RIOK1: variants seen among roughly 807,000 people sequenced by gnomAD.
RIOK1 encodes the protein serine/threonine-protein kinase RIO1.
RIOK1 carries 66 observed loss-of-function variants against 73.5 expected under a neutral mutation model. The observed-to-expected ratio is 0.90, with a 90% CI of 0.74 to 1.10. RIOK1 has a LOEUF of 1.10. RIOK1 is among the 50% of genes least tolerant of loss of function. The pLI is 0.00. For synonymous variants in RIOK1, 224 were observed against 226.8 expected, an observed-to-expected ratio of 0.99 and a Z score of 0.11; for missense variants, 658 against 699.8, an observed-to-expected ratio of 0.94 and a Z score of 0.67.
intron 4 of RIOK1, among the ~76,000 whole-genome samples, chr6:7,398,311 T>TA (rs879516161): frequency 1.3e-3 from 186 of 144,668 alleles, no homozygotes; most frequent in Middle Eastern, 0.011. Context: ...GCTGTCTCTT[T>TA]AAAAAAAAAA....
At chr6:7,393,339 T>C (rs1285776941) in intron 2 of RIOK1, 36 bp downstream of exon 2, 2 of 1,524,506 alleles carry the variant, frequency 1.3e-6, no homozygotes, top group South Asian at 2.3e-5. Flanking sequence ...CTTTATGTAG[T>C]CTGCTTATGT....
intron 7 of RIOK1, 39 bp from the exon 8 acceptor site, chr6:7,402,778 A>G (rs1761644964): frequency 1.9e-6 from 3 of 1,604,070 alleles, no homozygotes; most frequent in South Asian, 1.1e-5. Context: ...TAAAATAATA[A>G]TGGAATGATT....
intron 2 of RIOK1, among the ~76,000 whole-genome samples, chr6:7,394,261 C>T (rs571145443): frequency 2.0e-5 from 3 of 152,184 alleles, no homozygotes; most frequent in Non-Finnish European, 2.9e-5. Context: ...TGGCGAAACC[C>T]TGTCTCTACT....
rs1333018967 is a variant in RIOK1, at chr6:7,410,455, G to T, written c.1269+4G>T. 3 of 1,598,566 alleles carry T rather than the reference G, an allele frequency of 1.9e-6. No individual in the cohort carries two copies. Among genetic ancestry groups the T allele is most frequent in the Non-Finnish European group, 8.6e-7 (1 of 1,167,086 alleles). ...CCAAGATCATGTGGATGAAGAGGTAGGATTTATTATCTATTCACAGCCTTT... is the reference window on the plus strand; with the variant it reads ...CCAAGATCATGTGGATGAAGAGGTATGATTTATTATCTATTCACAGCCTTT... On this transcript the variant is annotated splice_donor_region_variant and intron_variant, in intron 13 of 16. Transcript: ENST00000379834.
chr6:7,400,489 T>C (rs1268302232), intron 5 of RIOK1, among the ~76,000 whole-genome samples: 2 of 152,200 alleles, frequency 1.3e-5, no homozygotes, highest in African/African-American at 4.8e-5. Flanking sequence ...TTTGGAGACT[T>C]AGTGTCAAAA....
intron 6 of RIOK1, among the ~76,000 whole-genome samples, chr6:7,401,689 C>CTT (rs35177259): frequency 4.9e-4 from 53 of 109,238 alleles, no homozygotes; most frequent in South Asian, 5.9e-4. Flanking sequence ...TAAACAGAGT[C>CTT]TTTTTTTTTT....
At chr6:7,410,006 C>G (rs181773944) in intron 12 of RIOK1, among the ~76,000 whole-genome samples, 69 of 152,294 alleles carry the variant, frequency 4.5e-4, no homozygotes, top group African/African-American at 1.5e-3. Context: ...ATTCCCTTCG[C>G]CGACTGCTCA....
intron 13 of RIOK1, among the ~76,000 whole-genome samples, chr6:7,410,920 C>T (rs955773401): frequency 2.0e-5 from 3 of 152,110 alleles, no homozygotes; most frequent in Admixed American, 6.5e-5. Context: ...CTGTGTTTGT[C>T]GGCAGCTCTC....
rs368843267 is a variant in RIOK1 at position 7,417,320 on chromosome 6, G to C, written c.1597-11G>C. On this transcript the variant is annotated splice_polypyrimidine_tract_variant and intron_variant, in intron 16 of 16. Coordinates refer to ENST00000379834, the MANE Select transcript of RIOK1 (RefSeq NM_031480.3). ...TGAATGAAAGTTGGCTTTTTTGTTT[G>C]TTTTTTACAGGAAAGAAAAAAGATG... 1.1e-4 allele frequency: 168 copies of C among 1,495,582 alleles called. No homozygotes were observed. Among genetic ancestry groups the C allele is most frequent in the Non-Finnish European group, 1.4e-4 (156 of 1,115,256 alleles). 92.6% of individuals were successfully genotyped at this position (1,495,582 alleles called of 1,614,324 possible).
chr6:7,410,552 A>G (rs1254359359), intron 13 of RIOK1, 101 bp downstream of exon 13: 1 of 720,236 alleles, frequency 1.4e-6, no homozygotes, highest in Non-Finnish European at 2.4e-6. Context: ...ATAGATAAGC[A>G]GCTTTTTCAA....
chr6:7,393,661 C>T (rs1326541478), intron 2 of RIOK1, among the ~76,000 whole-genome samples: 2 of 152,118 alleles, frequency 1.3e-5, no homozygotes, highest in African/African-American at 4.8e-5. Flanking sequence ...GTAGAGATGC[C>T]GTTTTTTCAC....
In RIOK1 at chr6:7,393,153, C is replaced by T. The variant is rs1334776085; in HGVS notation, c.126C>T (p.Asp42=). 6.2e-7 allele frequency: 1 copy of T among 1,613,560 alleles called. No individual in the cohort carries two copies. The highest frequency in any genetic ancestry group is 8.5e-7 in the Non-Finnish European group (1 of 1,179,638). ...VKEKDDILFE[D]LQDNVNENGE... is the part of the protein sequence containing the mutation. Reference sequence around the variant, plus strand: ...AGAAGGATGACATTCTGTTTGAAGACCTTCAAGACAATGTGAATGAGAATG... The same window carrying T: ...AGAAGGATGACATTCTGTTTGAAGATCTTCAAGACAATGTGAATGAGAATG... The change falls in exon 2 of 17, where the codon GAC becomes GAT. Residue 42 remains aspartate (D), a synonymous_variant. Coordinates refer to ENST00000379834, the MANE Select transcript of RIOK1 (RefSeq NM_031480.3).
chr6:7,398,644 T>C lies in RIOK1; in HGVS notation c.438-54T>C, dbSNP rs1360052772. On this transcript the variant is annotated intron_variant, in intron 4 of 16. Coordinates refer to ENST00000379834, the MANE Select transcript of RIOK1 (RefSeq NM_031480.3). Reference sequence around the variant, plus strand: ...GAAATTATCTACATTTAGAAGATTTTGGCTTCTCACTGAATTTTGAATGTG... The same window carrying C: ...GAAATTATCTACATTTAGAAGATTTCGGCTTCTCACTGAATTTTGAATGTG... The C allele has an allele frequency of 6.0e-6, 8 of 1,327,766 alleles. No homozygotes were observed. In the Admixed American group the frequency reaches 1.4e-4, roughly 24 times the overall value. The allele number at this position is 1,327,766 out of a possible 1,614,324, so 82.2% of individuals were successfully genotyped here.
At chr6:7,398,098 T>C (rs1208320284) in intron 4 of RIOK1, among the ~76,000 whole-genome samples, 3 of 152,258 alleles carry the variant, frequency 2.0e-5, no homozygotes, top group South Asian at 2.1e-4. Flanking sequence ...GCCGAGATCG[T>C]GCCACTGCAC....
At position 7,404,911 on chromosome 6, in the gene RIOK1, C is replaced by T. The variant is rs376827919; in HGVS notation, c.993-7C>T. On this transcript the variant is annotated splice_region_variant and splice_polypyrimidine_tract_variant and intron_variant, in intron 10 of 16. Coordinates refer to ENST00000379834, the MANE Select transcript of RIOK1 (RefSeq NM_031480.3). ...CATCCCACAGCTTCTGTGTCTCTGG[C>T]CCATAGGTACCACGGTGGAGGCGTG... 23 of 1,608,528 alleles carry T rather than the reference C, an allele frequency of 1.4e-5. No individual in the cohort carries two copies. The East Asian group carries it at 1.8e-4, about 12-fold the overall frequency.
chr6:7,412,907 A>G lies in RIOK1; in HGVS notation c.1408A>G (p.Thr470Ala). The G allele has an allele frequency of 6.4e-7, 1 of 1,551,868 alleles. No homozygotes were observed. The highest frequency in any genetic ancestry group is 2.4e-5 in the East Asian group (1 of 42,262). The part of the protein sequence containing the change: ...QQDNILYQTV[T>A]GLKKDLSGVQ... ...TTATAAGATTCTATACCAGACTGTT[A>G]CAGGATTGAAGAAAGATTTGTCAGG... Residue 470 changes from threonine (T) to alanine (A), a missense_variant, in exon 15 of 17, where the codon ACA becomes GCA. By Grantham distance (58) the Thr-to-Ala change is moderately conservative. Transcript: ENST00000379834.
chr6:7,405,829 ATCC>A (rs1561878970), intron 12 of RIOK1, among the ~76,000 whole-genome samples: 1 of 126,618 alleles, frequency 7.9e-6, no homozygotes. Flanking sequence ...TCAACTTGAT[ATCC>A]AAGCTTTTTA....
intron 5 of RIOK1, 142 bp from the exon 6 acceptor site, chr6:7,400,816 A>C (rs1761593259): frequency 8.9e-6 from 5 of 561,320 alleles, no homozygotes; most frequent in Non-Finnish European, 1.3e-5. Context: ...AGTGAATAAA[A>C]GCACCAAATA....
rs750196372 is a variant in RIOK1 at position 7,405,486 on chromosome 6, TA to T, written c.1203+132del. 387 of 580,070 alleles carry T rather than the reference TA, an allele frequency of 6.7e-4. 6 individuals are homozygous for T. Among genetic ancestry groups the T allele is most frequent in the Non-Finnish European group, 5.7e-5 (19 of 330,606 alleles). The allele number at this position is 580,070 out of a possible 1,614,324, so 35.9% of individuals were successfully genotyped here. On this transcript the variant is annotated intron_variant, in intron 12 of 16. Coordinates refer to ENST00000379834, the MANE Select transcript of RIOK1 (RefSeq NM_031480.3). ...AGTTTTGAAATATCTGCCTTGTACT[TA>T]CCCTAGTTGAGCATCCGAAATATCA... is the stretch of plus-strand genomic sequence containing the variant.
Sources: allele counts gnomAD v4.1 joint callset (sites outside exome capture counted in the v4.1 genomes callset), GRCh38; gene constraint gnomAD v4.1.1; transcripts MANE v1.5; gene names NCBI Gene and HGNC (gene_info 2026-07-23, HGNC 2026-07-21).